CTNNA2: variants seen among roughly 807,000 people sequenced by gnomAD.
CTNNA2 encodes catenin alpha 2.
A neutral mutation model predicts 101.0 loss-of-function variants in CTNNA2; 42 were observed. The ratio of observed to expected loss-of-function variants is 0.42; its 90% CI spans 0.32 to 0.54. The LOEUF (loss-of-function observed/expected upper bound fraction) is 0.54. Among genes scored for constraint, CTNNA2 ranks in the 20% least tolerant of loss-of-function variants. CTNNA2 has a pLI of 0.14. For missense variants in CTNNA2, 871 were observed against 1,223.1 expected, an observed-to-expected ratio of 0.71 and a Z score of 4.29; for synonymous variants, 450 against 456.4, an observed-to-expected ratio of 0.99 and a Z score of 0.18.
At chr2:80,105,238 G>A (rs1700805147) in intron 7 of CTNNA2, among the ~76,000 whole-genome samples, 1 of 152,026 alleles carries the variant, frequency 6.6e-6, no homozygotes, top group Non-Finnish European at 1.5e-5. Context: ...GGCTCTCCAG[G>A]CCTACACGTG....
At chr2:79,598,758 T>C (rs1677360349) in intron 1 of CTNNA2, among the ~76,000 whole-genome samples, 2 of 152,228 alleles carry the variant, frequency 1.3e-5, no homozygotes, top group South Asian at 4.1e-4. Flanking sequence ...GTGTGTATTG[T>C]CTTCTCATTC....
chr2:80,609,537 T>C (rs748539426), intron 17 of CTNNA2, among the ~76,000 whole-genome samples: 1 of 151,754 alleles, frequency 6.6e-6, no homozygotes, highest in African/African-American at 2.4e-5. Context: ...AAGAGCAATC[T>C]GTCTTGCAAT....
At chr2:80,484,213 G>GC (rs1420220030) in intron 9 of CTNNA2, among the ~76,000 whole-genome samples, 1 of 151,664 alleles carries the variant, frequency 6.6e-6, no homozygotes, top group Admixed American at 6.6e-5. Context: ...TTCTGAATGC[G>GC]CTTGTGGTCA....
chr2:80,232,341 G>GTTTT (rs1286822049), intron 7 of CTNNA2, among the ~76,000 whole-genome samples: 15 of 82,028 alleles, frequency 1.8e-4, no homozygotes, highest in East Asian at 1.2e-3. Context: ...TTGTTTGTTT[G>GTTTT]TTTGTTTTTT....
intron 6 of CTNNA2, among the ~76,000 whole-genome samples, chr2:79,897,964 GGGA>G (rs1226194743): frequency 6.6e-6 from 1 of 152,118 alleles, no homozygotes; most frequent in East Asian, 1.9e-4. Context: ...CAGTTCAAAA[GGGA>G]GGAGCCTTAT....
chr2:80,162,902 G>T, intron 7 of CTNNA2: 3 of 1,569,342 alleles, frequency 1.9e-6, no homozygotes, highest in Non-Finnish European at 1.8e-6. Flanking sequence ...TTTCGTACCT[G>T]CTAGGAGTTG....
intron 18 of CTNNA2, 45 bp from the exon 19 acceptor site, chr2:80,647,540 G>T: frequency 6.9e-7 from 1 of 1,450,020 alleles, no homozygotes; most frequent in Non-Finnish European, 9.3e-7. Flanking sequence ...TGTGAATTTG[G>T]GGCCTCCATT....
intron 7 of CTNNA2, among the ~76,000 whole-genome samples, chr2:80,353,295 A>G (rs1673484239): frequency 6.6e-6 from 1 of 152,140 alleles, no homozygotes; most frequent in Admixed American, 6.6e-5. Context: ...CCATGACAAT[A>G]TAAGACTGGA....
At chr2:79,348,285 A>G (rs188771503) in intron 3 of CTNNA2, among the ~76,000 whole-genome samples, 7 of 152,308 alleles carry the variant, frequency 4.6e-5, no homozygotes, top group African/African-American at 1.7e-4. Flanking sequence ...CTTTTCTCAG[A>G]TAAGGGAACT....
chr2:80,024,616 G>C (rs1384468088), intron 7 of CTNNA2, among the ~76,000 whole-genome samples: 2 of 152,218 alleles, frequency 1.3e-5, no homozygotes, highest in Admixed American at 1.3e-4. Flanking sequence ...ACTGGAACTG[G>C]CTGGTCACTC....
chr2:79,681,121 C>T, intron 2 of CTNNA2, among the ~76,000 whole-genome samples: 1 of 152,204 alleles, frequency 6.6e-6, no homozygotes, highest in East Asian at 1.9e-4. Flanking sequence ...AGCCACTGCA[C>T]TCCAGCCTGG....
At chr2:79,639,485 T>C (rs1001711981) in intron 1 of CTNNA2, among the ~76,000 whole-genome samples, 2 of 150,790 alleles carry the variant, frequency 1.3e-5, no homozygotes, top group African/African-American at 5.0e-5. Flanking sequence ...GCATTAACAG[T>C]AAAATTTATT....
rs566851388 is a variant in CTNNA2 at position 79,435,639 on chromosome 2, C to CA, written c.-135+61630dup. On this transcript the variant is annotated intron_variant, in intron 4 of 21. Coordinates refer to the CTNNA2 transcript ENST00000466387. ...ACGCCCTAAAGCTGTCCTTTCCCCA[C>CA]AAAATATAAGAAAAATAACATGACA... Among the ~76,000 whole-genome samples the CA allele has an allele frequency of 1.4e-3, 219 of 152,260 alleles. 2 individuals carry two copies. Among genetic ancestry groups the CA allele is most frequent in the African/African-American group, 5.1e-3 (213 of 41,528 alleles).
chr2:80,446,874 GA>G lies in CTNNA2; in HGVS notation c.1290+27277del, dbSNP rs143636157. Among the ~76,000 whole-genome samples the G allele has an allele frequency of 4.2e-3, 644 of 152,086 alleles. 8 individuals carry two copies. The highest frequency in any genetic ancestry group is 3.0e-3 in the Non-Finnish European group (206 of 67,980). On this transcript the variant is annotated intron_variant, in intron 9 of 18. Transcript: ENST00000402739. ...TGGTGAAAATAAAATTTTTTCAGCA[GA>G]AAATAATTTTCTCCTTAGGGTTTTT...
At chr2:79,584,515 ATTTTCTTTTTTTTTTT>A (rs1327212579) in intron 1 of CTNNA2, among the ~76,000 whole-genome samples, 1 of 145,786 alleles carries the variant, frequency 6.9e-6, no homozygotes, top group Non-Finnish European at 1.5e-5. Flanking sequence ...AAGCAGGTAG[ATTTTCTTTTTTTTTTT>A]TTTTCTTTTT....
intron 16 of CTNNA2, chr2:80,605,545 T>C (rs1697926912): frequency 6.6e-6 from 1 of 151,926 alleles, no homozygotes; most frequent in Non-Finnish European, 1.5e-5. Context: ...TTGTGTTGCT[T>C]ATTGTAGTTT....
intron 18 of CTNNA2, among the ~76,000 whole-genome samples, chr2:80,629,054 T>C (rs1023236034): frequency 3.3e-5 from 5 of 152,156 alleles, no homozygotes; most frequent in Non-Finnish European, 5.9e-5. Flanking sequence ...ATTAATGGTA[T>C]TGATGTGCAC....
intron 2 of CTNNA2, among the ~76,000 whole-genome samples, chr2:79,289,834 C>T (rs1010734925): frequency 6.6e-5 from 10 of 152,304 alleles, no homozygotes; most frequent in African/African-American, 2.4e-4. Flanking sequence ...GACAGTATGA[C>T]ATTACATCCA....
At chr2:80,209,572 T>A (rs1707758573) in intron 7 of CTNNA2, among the ~76,000 whole-genome samples, 1 of 152,088 alleles carries the variant, frequency 6.6e-6, no homozygotes, top group South Asian at 2.1e-4. Context: ...TGAACATTTT[T>A]GTCATAGCCC....
Sources: gnomAD v4.1 joint callset for allele counts (sites outside exome capture counted in the v4.1 genomes callset) on GRCh38, gnomAD v4.1.1 for gene constraint, MANE v1.5 for transcripts, NCBI Gene and HGNC (gene_info 2026-07-23, HGNC 2026-07-21) for gene names.